The following PPP1R37 variants were observed in gnomAD, a reference collection of about 807,000 sequenced individuals.
PPP1R37 encodes the protein protein phosphatase 1 regulatory subunit 37, also known as leucine rich repeat containing 68.
In PPP1R37, 21 loss-of-function variants were observed where a neutral mutation model predicts 61.0. That is an observed-to-expected ratio of 0.34 (90% CI 0.24 to 0.50). PPP1R37 has a LOEUF of 0.50. PPP1R37 is among the 20% of genes least tolerant of loss of function. The pLI is 0.98. For synonymous variants in PPP1R37, 443 were observed against 433.5 expected, an observed-to-expected ratio of 1.02 and a Z score of -0.27; for missense variants, 910 against 952.7, an observed-to-expected ratio of 0.96 and a Z score of 0.59.
At chr19:45,122,122 C>A (rs905084500) in intron 1 of PPP1R37, among the ~76,000 whole-genome samples, 1 of 152,146 alleles carries the variant, frequency 6.6e-6, no homozygotes. Context: ...CCCCTGCCCC[C>A]CAACTGAGGC....
intron 1 of PPP1R37, among the ~76,000 whole-genome samples, chr19:45,114,878 G>A (rs1968245209): frequency 1.3e-5 from 2 of 152,096 alleles, no homozygotes; most frequent in South Asian, 4.1e-4. Flanking sequence ...ATCCCTTTGG[G>A]AAGCTCCTTC....
chr19:45,106,434 G>A (rs1057358557), intron 1 of PPP1R37, among the ~76,000 whole-genome samples: 1 of 152,110 alleles, frequency 6.6e-6, no homozygotes, highest in Non-Finnish European at 1.5e-5. Flanking sequence ...AGTAGAGACA[G>A]GGTTTCACCA....
intron 2 of PPP1R37, among the ~76,000 whole-genome samples, chr19:45,139,345 C>A (rs535992352): frequency 6.6e-6 from 1 of 152,264 alleles, no homozygotes; most frequent in African/African-American, 2.4e-5. Flanking sequence ...CGGGAACCCC[C>A]GTTGTTGGCC....
At position 45,145,789 on chromosome 19, in the gene PPP1R37, C is replaced by T. The variant is rs1402330515; in HGVS notation, c.1733C>T (p.Pro578Leu). 6.6e-7 allele frequency: 1 copy of T among 1,506,608 alleles called. No individual in the cohort carries two copies. Among genetic ancestry groups the T allele is most frequent in the Admixed American group, 2.0e-5 (1 of 49,158 alleles). 93.3% of individuals were successfully genotyped at this position (1,506,608 alleles called of 1,614,324 possible). A position where few individuals can be genotyped will look rare whatever the true frequency, so the allele number is the denominator to read the frequency against. ...GTGGTGACCCGGGTGGAGAGCCCGCCCGAGAGGGCAGAGCCCCCTGCGTCC... is the reference window on the plus strand; with the variant it reads ...GTGGTGACCCGGGTGGAGAGCCCGCTCGAGAGGGCAGAGCCCCCTGCGTCC... ...VFVVTRVESP[P>L]ERAEPPASPT... Residue 578 changes from proline (P) to leucine (L), a missense_variant, in exon 11 of 13, where the codon CCC (proline) becomes CTC (leucine). Transcript: ENST00000221462.
At chr19:45,140,415 G>A in intron 3 of PPP1R37, 91 bp from the exon 4 acceptor site, 1 of 1,277,684 alleles carries the variant, frequency 7.8e-7, no homozygotes, top group Non-Finnish European at 1.1e-6. Context: ...GCTGGGCCTG[G>A]TGGGGGGTGG....
rs1405125868 is a variant in PPP1R37, at chr19:45,128,496, C to T, written c.203-10018C>T. The T allele has an allele frequency of 5.8e-6, 5 of 868,410 alleles. No homozygotes were observed. The African/African-American group carries it at 6.8e-5, about 12-fold the overall frequency. 53.8% of individuals were successfully genotyped at this position (868,410 alleles called of 1,614,324 possible). ...GCGGCAGCAGCAGGCCCAGAGGCAG[C>T]GGTTGGGTTTGCAGCGAGAAGACAA... On this transcript the variant is annotated intron_variant, in intron 1 of 12. Transcript: ENST00000221462.
rs1968462622 is a variant in PPP1R37 at position 45,130,456 on chromosome 19, A to G, written c.203-8058A>G. ...GTGCTTTGGCGCCGAGCCTGCTCCC[A>G]CCGTCACACTTAAGCCTGCCCCAGT... On this transcript the variant is annotated intron_variant, in intron 1 of 12. Coordinates refer to ENST00000221462, the MANE Select transcript of PPP1R37 (RefSeq NM_019121.2). The surrounding 1 kb of genome is among the most constrained non-coding windows in gnomAD (Gnocchi z 4.4). 6.6e-6 allele frequency among the ~76,000 whole-genome samples: 1 copy of G among 151,876 alleles called. No homozygotes were observed. The highest frequency in any genetic ancestry group is 2.4e-5 in the African/African-American group (1 of 41,322).
rs754082005 is a variant in PPP1R37 at position 45,142,323 on chromosome 19, A to G, written c.739A>G (p.Met247Val). ...MLLATALKMN[M>V]NLRELYLADN... ...CCCAGCCACGGCCCTGAAGATGAAC[A>G]TGAACCTGCGGGAGCTGTACCTGGC... The change falls in exon 7 of 13, where the codon ATG (methionine) becomes GTG (valine). Residue 247 changes from methionine to valine, a missense_variant. Transcript: ENST00000221462. 7 of 1,536,040 alleles carry G rather than the reference A, an allele frequency of 4.6e-6. No homozygotes were observed. In the South Asian group the frequency reaches 7.1e-5, roughly 16 times the overall value.
chr19:45,138,905 C>CTTTTTTTTTTTTTTTTTTTTT (rs34081163), intron 2 of PPP1R37, among the ~76,000 whole-genome samples: 1 of 73,052 alleles, frequency 1.4e-5, no homozygotes, highest in African/African-American at 5.4e-5. Context: ...TTTATGTATT[C>CTTTTTTTTTTTTTTTTTTTTT]TTTTTTTTTT....
chr19:45,140,850 G>C (rs1968601922), intron 4 of PPP1R37, among the ~76,000 whole-genome samples: 2 of 152,184 alleles, frequency 1.3e-5, no homozygotes, highest in African/African-American at 4.8e-5. Flanking sequence ...GAGCTGGGCT[G>C]AGGGGCAGGC....
At chr19:45,125,141 A>G (rs1252483609) in intron 1 of PPP1R37, among the ~76,000 whole-genome samples, 1 of 152,196 alleles carries the variant, frequency 6.6e-6, no homozygotes, top group African/African-American at 2.4e-5. Flanking sequence ...TGTCAGGCAC[A>G]GTATCTCTTT....
chr19:45,114,831 A>T (rs1388209475), intron 1 of PPP1R37, among the ~76,000 whole-genome samples: 2 of 149,822 alleles, frequency 1.3e-5, no homozygotes, highest in African/African-American at 4.9e-5. Flanking sequence ...CATTCACATC[A>T]CAAGGCAGAA....
At position 45,146,574 on chromosome 19, in the gene PPP1R37, C is replaced by G. The variant is rs1599715337; in HGVS notation, c.*12C>G. The G allele has an allele frequency of 1.1e-6, 1 of 924,100 alleles. No homozygotes were observed. The highest frequency in any genetic ancestry group is 1.6e-6 in the Non-Finnish European group (1 of 609,208). The allele number at this position is 924,100 out of a possible 1,614,324, so 57.2% of individuals were successfully genotyped here. On this transcript the variant is annotated 3_prime_UTR_variant, in exon 13 of 13. Transcript: ENST00000221462. ...CCCCCAATCTCTCCTCCCCAAGTTC[C>G]CTTTTTCCGGTCGGTCTGCGATGAG...
At chr19:45,132,315 CT>C (rs959477521) in intron 1 of PPP1R37, among the ~76,000 whole-genome samples, 10 of 148,974 alleles carry the variant, frequency 6.7e-5, no homozygotes, top group South Asian at 2.1e-4. Flanking sequence ...TTTTTCTTTT[CT>C]TTTTTTTTTA....
Position 45,141,308 on chromosome 19 carries a change from ATC to A in PPP1R37, c.448-10_448-9del. On this transcript the variant is annotated splice_polypyrimidine_tract_variant and intron_variant, in intron 4 of 12. Coordinates refer to ENST00000221462, the MANE Select transcript of PPP1R37 (RefSeq NM_019121.2). ...CCCAGAGCTGAGGCTGAGCCCCCGA[ATC>A]TCTATGCGCAGGGTGCCTCGGCCCT... is the stretch of plus-strand genomic sequence containing the variant. 6.5e-7 allele frequency: 1 copy of A among 1,531,730 alleles called. No individual in the cohort carries two copies. Among genetic ancestry groups the A allele is most frequent in the Non-Finnish European group, 8.7e-7 (1 of 1,144,634 alleles). The allele number at this position is 1,531,730 out of a possible 1,614,324, so 94.9% of individuals were successfully genotyped here.
intron 1 of PPP1R37, among the ~76,000 whole-genome samples, chr19:45,098,966 T>C (rs979446151): frequency 2.0e-4 from 30 of 152,158 alleles, no homozygotes; most frequent in African/African-American, 6.8e-4. Flanking sequence ...GCGATTGTTC[T>C]CTCTGCCTCG....
At chr19:45,115,042 T>A (rs1968247455) in intron 1 of PPP1R37, among the ~76,000 whole-genome samples, 1 of 152,152 alleles carries the variant, frequency 6.6e-6, no homozygotes, top group Admixed American at 6.5e-5. Flanking sequence ...TCTTAGTGGT[T>A]CAGGCATGCA....
In PPP1R37 at chr19:45,141,357, C is replaced by T. The variant is rs752098477; in HGVS notation, c.483C>T (p.Tyr161=). The change falls in exon 5 of 13, where the codon TAC becomes TAT. Residue 161 remains tyrosine, a synonymous_variant. Transcript: ENST00000221462. The stretch of plus-strand genomic sequence containing the variant: ...CCCTCTTCGACATGATCGAGTACTA[C>T]GAGTCGGCCACCCACCTCAACATCT... ...ASALFDMIEY[Y]ESATHLNISF... is the part of the protein sequence containing the mutation. The T allele has an allele frequency of 1.2e-4, 183 of 1,535,950 alleles. No individual in the cohort carries two copies. The highest frequency in any genetic ancestry group is 1.5e-4 in the Non-Finnish European group (167 of 1,146,836).
chr19:45,136,875 C>T (rs894268537), intron 1 of PPP1R37: 1 of 152,362 alleles, frequency 6.6e-6, no homozygotes, highest in African/African-American at 2.4e-5. Flanking sequence ...CAGACCTCAG[C>T]TTCTTCCCCT....
Sources: gnomAD v4.1 joint callset for allele counts (sites outside exome capture counted in the v4.1 genomes callset) on GRCh38, gnomAD v4.1.1 for gene constraint, Gnocchi (gnomAD v3.1) non-coding constraint, MANE v1.5 for transcripts, NCBI Gene and HGNC (gene_info 2026-07-23, HGNC 2026-07-21) for gene names.